SET: variants seen among roughly 807,000 people sequenced by gnomAD.
The protein encoded by SET is protein SET.
Under a neutral mutation model 39.0 loss-of-function variants are expected in SET, and 4 were observed. That is an observed-to-expected ratio of 0.10 (90% CI 0.05 to 0.23). The LOEUF (loss-of-function observed/expected upper bound fraction) is 0.23. Among genes scored for constraint, SET ranks in the 10% least tolerant of loss-of-function variants. SET has a pLI of 1.00. For synonymous variants in SET, 114 were observed against 115.9 expected, an observed-to-expected ratio of 0.98 and a Z score of 0.11; for missense variants, 137 against 329.7, an observed-to-expected ratio of 0.42 and a Z score of 4.53.
At chr9:128,685,080 T>A, upstream of SET, 1 of 1,536,222 alleles carries the variant, frequency 6.5e-7, no homozygotes, top group Non-Finnish European at 8.8e-7. Flanking sequence ...GCAACTCTTA[T>A]GGAAGAAGCA....
In SET at chr9:128,689,316, C is replaced by CCCT. The variant is rs1861407290; in HGVS notation, c.-265_-264insTCC. On this transcript the variant is annotated 5_prime_UTR_variant, in exon 1 of 8. Transcript: ENST00000322030. ...GAGCGCGAGTGAGGGAGCCGAGCCG[C>CCCT]CCGCCGCCGCCGCCTCCGCCTCCCC... 1 of 1,027,964 alleles carries CCCT rather than the reference C, an allele frequency of 9.7e-7. No homozygotes were observed. Among genetic ancestry groups the CCCT allele is most frequent in the Non-Finnish European group, 1.2e-6 (1 of 856,454 alleles). 63.7% of individuals were successfully genotyped at this position (1,027,964 alleles called of 1,614,324 possible). A position where few individuals can be genotyped will look rare whatever the true frequency, so the allele number is the denominator to read the frequency against.
chr9:128,694,106 GTATATATA>G, intron 7 of SET, 64 bp downstream of exon 7: 1 of 1,001,292 alleles, frequency 1.0e-6, no homozygotes, highest in Non-Finnish European at 1.4e-6. Flanking sequence ...ATTTTGGGGT[GTATATATA>G]TATATATAGT....
At chr9:128,692,786 C>T in intron 4 of SET, 21 bp downstream of exon 4, 5 of 1,558,126 alleles carry the variant, frequency 3.2e-6, no homozygotes, top group South Asian at 1.1e-5. Context: ...CTAACTTAAT[C>T]TTGTTTGCCA....
intron 3 of SET, chr9:128,692,397 CAAAAAAAAAAAAAAAA>C (rs58637669): frequency 6.6e-5 from 5 of 76,244 alleles, no homozygotes; most frequent in Non-Finnish European, 6.7e-5. Context: ...GAGACTGTTT[CAAAAAAAAAAAAAAAA>C]AAAAAAAAAC....
intron 3 of SET, chr9:128,692,418 AAAAAC>A (rs2132252634): frequency 3.8e-6 from 1 of 261,632 alleles, no homozygotes; most frequent in East Asian, 8.2e-5. Context: ...AAAAAAAAAA[AAAAAC>A]CTCAAAGACG....
chr9:128,683,848 G>T (rs1241477021), exon 1 of SET: 2 of 1,481,458 alleles, frequency 1.4e-6, no homozygotes, highest in East Asian at 2.5e-5. Context: ...GCCTGCTTCC[G>T]GACGGGCGAG....
At chr9:128,683,741 G>A (rs949096582) in exon 1 of SET, 22 of 584,420 alleles carry the variant, frequency 3.8e-5, no homozygotes, top group African/African-American at 2.5e-4. Context: ...GGAGGGGGCC[G>A]GGGTGTGTGT....
chr9:128,685,213 G>A (rs1208538327), upstream of SET: 19 of 1,599,616 alleles, frequency 1.2e-5, no homozygotes, highest in Admixed American at 3.3e-4. Flanking sequence ...TACCTTGCTG[G>A]GTGAGCCACA....
intron 7 of SET, among the ~76,000 whole-genome samples, chr9:128,694,376 C>T (rs1395913438): frequency 6.6e-6 from 1 of 152,094 alleles, no homozygotes; most frequent in Non-Finnish European, 1.5e-5. Flanking sequence ...GTATTTTCGA[C>T]AAACTGCACA....
chr9:128,694,015 A>T lies in SET; in HGVS notation c.783A>T (p.Glu261Asp), dbSNP rs878926618. 93 of 1,538,648 alleles carry T rather than the reference A, an allele frequency of 6.0e-5. No homozygotes were observed. The highest frequency in any genetic ancestry group is 7.0e-5 in the Non-Finnish European group (79 of 1,126,798). Residue 261 changes from glutamate (E) to aspartate (D), a missense_variant, in exon 7 of 8, where the codon GAA becomes GAT. By Grantham distance (45) the Glu-to-Asp change is conservative. This residue lies in a region of SET where 44 missense variants were observed against 63.0 expected (regional missense o/e 0.70). Transcript: ENST00000322030. ...ATGAGGATGAAGGTGAAGAAGATGA[A>T]GATGATGATGAAGGGGAGGAAGGAG... Reference protein sequence around the residue: ...EGDEDEGEEDEDDDEGEEGEE... With the variant: ...EGDEDEGEEDDDDDEGEEGEE...
intron 1 of SET, chr9:128,684,128 C>A: frequency 2.7e-6 from 2 of 752,414 alleles, no homozygotes; most frequent in Non-Finnish European, 4.3e-6. Context: ...GGGTTTTAAA[C>A]CTGGGATGGT....
chr9:128,692,628 G>A (rs1365154020), intron 3 of SET, 34 bp from the exon 4 acceptor site: 1 of 1,421,856 alleles, frequency 7.0e-7, no homozygotes, highest in Non-Finnish European at 9.9e-7. Context: ...TGTGCCTGTT[G>A]AAAATTCAGC....
intron 3 of SET, chr9:128,692,272 C>G (rs938610578): frequency 3.0e-6 from 1 of 336,762 alleles, no homozygotes; most frequent in Non-Finnish European, 5.4e-6. Context: ...CGCTTGTAAT[C>G]CCAGCTACTC....
upstream of SET, among the ~76,000 whole-genome samples, chr9:128,687,511 G>A (rs1861325315): frequency 6.6e-6 from 1 of 151,672 alleles, no homozygotes; most frequent in Admixed American, 6.6e-5. Context: ...AGGATGCTGA[G>A]GCAGGAGAAT....
At chr9:128,686,944 CAGAG>C (rs994197861), upstream of SET, among the ~76,000 whole-genome samples, 14 of 152,268 alleles carry the variant, frequency 9.2e-5, no homozygotes, top group Admixed American at 3.9e-4. Context: ...TTCTGGGCGA[CAGAG>C]AGAGACCCTG....
At chr9:128,683,963 G>C (rs1242148488) in exon 1 of SET, 13 of 1,557,044 alleles carry the variant, frequency 8.3e-6, no homozygotes, top group Non-Finnish European at 1.1e-5. Context: ...CCTGCTCTGG[G>C]ACCGGAGGAG....
chr9:128,694,734 C>CT lies in SET; in HGVS notation c.*94dup, dbSNP rs35778650. ...CCAGTCCCTGGGAGCAAGTTGCAGTCTTTTTTTTTTTTTTTTTTTTTTTTC... is the reference window on the plus strand; with the variant it reads ...CCAGTCCCTGGGAGCAAGTTGCAGTCTTTTTTTTTTTTTTTTTTTTTTTTTC... On this transcript the variant is annotated 3_prime_UTR_variant, in exon 8 of 8. Coordinates refer to ENST00000322030, the MANE Select transcript of SET (RefSeq NM_003011.4). The CT allele has an allele frequency of 0.014, 4,329 of 302,500 alleles. 5 individuals are homozygous for CT. The highest frequency in any genetic ancestry group is 0.032 in the South Asian group (666 of 20,842). The allele number at this position is 302,500 out of a possible 1,614,324, so 18.7% of individuals were successfully genotyped here. A position where few individuals can be genotyped will look rare whatever the true frequency, so the allele number is the denominator to read the frequency against.
chr9:128,689,180 A>G (rs957260898), upstream of SET: 9 of 810,186 alleles, frequency 1.1e-5, no homozygotes, highest in Admixed American at 6.2e-5. Flanking sequence ...CCGGAGGCGG[A>G]GCATCCGCGC....
chr9:128,694,450 C>G (rs1375883041), intron 7 of SET, among the ~76,000 whole-genome samples, 191 bp from the exon 8 acceptor site: 2 of 152,106 alleles, frequency 1.3e-5, no homozygotes, highest in African/African-American at 4.8e-5. Context: ...CGAAATATAC[C>G]TGATTTGGTT....
Sources: allele counts gnomAD v4.1 joint callset (sites outside exome capture counted in the v4.1 genomes callset), GRCh38; gene constraint gnomAD v4.1.1; regional missense constraint gnomAD v4.1.1; transcripts MANE v1.5; gene names NCBI Gene and HGNC (gene_info 2026-07-23, HGNC 2026-07-21).